Variants in DSE observed in about 807,000 individuals in gnomAD.
DSE encodes dermatan sulfate epimerase, also known as dermatan-sulfate epimerase.
Under a neutral mutation model 84.4 loss-of-function variants are expected in DSE, and 36 were observed. The ratio of observed to expected loss-of-function variants is 0.43; its 90% CI spans 0.33 to 0.56. The LOEUF is 0.56. Among genes scored for constraint, DSE ranks in the 20% least tolerant of loss-of-function variants. The pLI is 0.06. For missense variants in DSE, 862 were observed against 1,169.6 expected (o/e 0.74, Z 3.84); for synonymous variants, 410 against 430.1 (o/e 0.95, Z 0.58).
At chr6:116,382,533 T>G (rs1010660970) in intron 1 of DSE, among the ~76,000 whole-genome samples, 2 of 152,188 alleles carry the variant, frequency 1.3e-5, no homozygotes, top group Non-Finnish European at 2.9e-5. Context: ...TCCCTGTGAC[T>G]TATTTCTGTC....
intron 1 of DSE, 27 bp from the exon 2 acceptor site, chr6:116,399,171 A>T (rs1302198092): frequency 1.3e-6 from 2 of 1,588,622 alleles, no homozygotes. Flanking sequence ...GCTGACAGAC[A>T]CTTTTTTTCC....
intron 2 of DSE, among the ~76,000 whole-genome samples, chr6:116,351,546 T>C (rs1778310444): frequency 6.6e-6 from 1 of 152,194 alleles, no homozygotes; most frequent in Non-Finnish European, 1.5e-5. Context: ...CACTCTATTA[T>C]AGTGATGTTT....
intron 2 of DSE, among the ~76,000 whole-genome samples, chr6:116,416,196 T>C (rs775473228): frequency 1.6e-4 from 24 of 152,300 alleles, no homozygotes; most frequent in Non-Finnish European, 2.9e-4. Context: ...TGTGACTAGA[T>C]TGGGACCACC....
intron 2 of DSE, among the ~76,000 whole-genome samples, chr6:116,404,182 C>A (rs1350958713): frequency 6.6e-6 from 1 of 152,186 alleles, no homozygotes; most frequent in African/African-American, 2.4e-5. Flanking sequence ...TCAGCAAATT[C>A]TTAGTGATTT....
chr6:116,396,597 A>G (rs550766153), intron 1 of DSE, among the ~76,000 whole-genome samples: 3 of 152,358 alleles, frequency 2.0e-5, no homozygotes, highest in African/African-American at 7.2e-5. Flanking sequence ...GAGAACCTTC[A>G]ATAACAGTTG....
At chr6:116,339,823 C>T (rs58300919) in intron 2 of DSE, among the ~76,000 whole-genome samples, 5 of 152,130 alleles carry the variant, frequency 3.3e-5, no homozygotes, top group African/African-American at 9.7e-5. Context: ...AGAAGAATCT[C>T]CATTCTGCAT....
At chr6:116,264,084 T>C (rs943034266) in intron 2 of DSE, among the ~76,000 whole-genome samples, 2 of 152,206 alleles carry the variant, frequency 1.3e-5, no homozygotes, top group African/African-American at 4.8e-5. Context: ...GGGGATGATC[T>C]TGTGAAGTAT....
intron 2 of DSE, among the ~76,000 whole-genome samples, chr6:116,412,961 G>A (rs1389933071): frequency 6.6e-6 from 1 of 151,800 alleles, no homozygotes; most frequent in Non-Finnish European, 1.5e-5. Context: ...GTGGTATTTG[G>A]TTTTCTGTGT....
chr6:116,421,463 A>ATATATATATATATATAT (rs1357496121), intron 2 of DSE, among the ~76,000 whole-genome samples: 1 of 61,344 alleles, frequency 1.6e-5, no homozygotes. Context: ...ATATATATAT[A>ATATATATATATATATAT]TTTTTTTTTT....
intron 2 of DSE, chr6:116,279,623 C>CG: frequency 6.2e-7 from 1 of 1,603,194 alleles, no homozygotes; most frequent in Non-Finnish European, 8.5e-7. Flanking sequence ...TCCTGGGGTA[C>CG]GCCCCCCTCC....
chr6:116,364,121 TCTCA>T (rs1383529629), intron 2 of DSE, among the ~76,000 whole-genome samples: 1 of 152,256 alleles, frequency 6.6e-6, no homozygotes, highest in African/African-American at 2.4e-5. Context: ...CTTATACTTT[TCTCA>T]CTTAGATGAC....
At chr6:116,337,429 G>A (rs1371168618) in intron 2 of DSE, among the ~76,000 whole-genome samples, 1 of 152,168 alleles carries the variant, frequency 6.6e-6, no homozygotes, top group East Asian at 1.9e-4. Context: ...GACCAACATG[G>A]TGAAACACCG....
At chr6:116,285,580 C>T (rs1250888173) in intron 2 of DSE, among the ~76,000 whole-genome samples, 1 of 152,158 alleles carries the variant, frequency 6.6e-6, no homozygotes, top group East Asian at 1.9e-4. Flanking sequence ...GTGTTTTAGT[C>T]ATGAAATCCT....
At chr6:116,370,567 T>C (rs1260966419), upstream of DSE, 7 of 943,796 alleles carry the variant, frequency 7.4e-6, no homozygotes, top group South Asian at 1.5e-4. Context: ...CTCCTCCCCC[T>C]GGGCCTCCAA....
chr6:116,282,863 G>A (rs1466223528), intron 2 of DSE, among the ~76,000 whole-genome samples: 1 of 152,116 alleles, frequency 6.6e-6, no homozygotes, highest in Non-Finnish European at 1.5e-5. Context: ...ATCTTTGCTT[G>A]GAAGGAGGAA....
At chr6:116,343,452 G>A (rs1777746561) in intron 2 of DSE, among the ~76,000 whole-genome samples, 1 of 152,186 alleles carries the variant, frequency 6.6e-6, no homozygotes, top group South Asian at 2.1e-4. Flanking sequence ...AAAGCTTCCA[G>A]AGGAAGCATC....
intron 2 of DSE, among the ~76,000 whole-genome samples, chr6:116,359,041 A>AT (rs2114873520): frequency 6.6e-6 from 1 of 152,286 alleles, no homozygotes; most frequent in South Asian, 2.1e-4. Context: ...CTTGAAATCT[A>AT]TTTGGTTGAT....
intron 1 of DSE, chr6:116,254,903 T>A (rs1562184986): frequency 6.6e-6 from 1 of 152,470 alleles, no homozygotes; most frequent in Non-Finnish European, 1.5e-5. Flanking sequence ...AGCTAACAAA[T>A]CTTTTCAAAA....
At chr6:116,349,070 A>C (rs1157579118) in intron 2 of DSE, among the ~76,000 whole-genome samples, 3 of 152,160 alleles carry the variant, frequency 2.0e-5, no homozygotes, top group Non-Finnish European at 4.4e-5. Context: ...ATACATATGT[A>C]ACAAACCTGC....
Sources: gnomAD v4.1 joint callset for allele counts (sites outside exome capture counted in the v4.1 genomes callset) on GRCh38, gnomAD v4.1.1 for gene constraint, MANE v1.5 for transcripts, NCBI Gene and HGNC (gene_info 2026-07-23, HGNC 2026-07-21) for gene names.